Variants in GRID2 observed in about 807,000 individuals in gnomAD.
GRID2 encodes the protein glutamate receptor ionotropic, delta-2.
In GRID2, 33 loss-of-function variants were observed where a neutral mutation model predicts 114.8. The observed-to-expected ratio is 0.29, with a 90% CI of 0.22 to 0.38. GRID2 has a LOEUF of 0.38. Ranked by LOEUF, GRID2 falls within the 10% of genes least tolerant of loss-of-function variation. GRID2 has a pLI of 1.00. For synonymous variants in GRID2, 505 were observed against 449.9 expected, an observed-to-expected ratio of 1.12 and a Z score of -1.55; for missense variants, 1,184 against 1,257.7, an observed-to-expected ratio of 0.94 and a Z score of 0.89.
intron 14 of GRID2, among the ~76,000 whole-genome samples, chr4:93,758,081 T>C (rs920446401): frequency 1.3e-5 from 2 of 152,232 alleles, no homozygotes; most frequent in African/African-American, 2.4e-5. Flanking sequence ...ACTGTTCTCC[T>C]GTGATTCTAG....
chr4:93,572,527 C>G (rs1368852213), intron 13 of GRID2, among the ~76,000 whole-genome samples: 3 of 151,754 alleles, frequency 2.0e-5, no homozygotes, highest in Non-Finnish European at 4.4e-5. Context: ...TACATCTTTC[C>G]TATTTGATTA....
chr4:93,250,566 G>C (rs1748765562), intron 8 of GRID2, among the ~76,000 whole-genome samples: 1 of 149,370 alleles, frequency 6.7e-6, no homozygotes, highest in Non-Finnish European at 1.5e-5. Context: ...AAAAAAAGTG[G>C]TATATTACAA....
intron 2 of GRID2, among the ~76,000 whole-genome samples, chr4:92,872,919 G>T (rs1033348529): frequency 1.3e-5 from 2 of 152,212 alleles, no homozygotes; most frequent in Non-Finnish European, 2.9e-5. Flanking sequence ...TCTTACTCAA[G>T]AAACAAAAGA....
chr4:92,360,348 A>G (rs1728552759), intron 1 of GRID2, among the ~76,000 whole-genome samples: 1 of 151,952 alleles, frequency 6.6e-6, no homozygotes, highest in African/African-American at 2.4e-5. Context: ...TCTTCATAAA[A>G]TTGTTTTGAT....
At chr4:93,716,222 A>G (rs1728887705) in intron 14 of GRID2, among the ~76,000 whole-genome samples, 1 of 152,224 alleles carries the variant, frequency 6.6e-6, no homozygotes, top group Non-Finnish European at 1.5e-5. Context: ...CTGTGTTTAC[A>G]TATGCACATA....
At position 93,706,192 on chromosome 4, in the gene GRID2, C is replaced by T. The variant is rs1285679864; in HGVS notation, c.2361-63018C>T. On this transcript the variant is annotated intron_variant, in intron 14 of 15. Transcript: ENST00000282020. The stretch of plus-strand genomic sequence containing the variant: ...TTTTGTGGTTCCGCATAAATTTTAA[C>T]ATTGTTTTTTCTATTTCTGTGAAGA... 2.6e-5 allele frequency among the ~76,000 whole-genome samples: 4 copies of T among 152,108 alleles called. No homozygotes were observed. In the East Asian group the frequency reaches 7.7e-4, roughly 29 times the overall value.
chr4:93,280,849 T>C (rs1219267557), intron 8 of GRID2, among the ~76,000 whole-genome samples: 2 of 151,930 alleles, frequency 1.3e-5, no homozygotes, highest in Non-Finnish European at 1.5e-5. Flanking sequence ...GGTCTGAGGA[T>C]AATAAAGTAC....
intron 5 of GRID2, among the ~76,000 whole-genome samples, chr4:93,211,914 C>T (rs904999153): frequency 5.3e-5 from 8 of 152,040 alleles, no homozygotes; most frequent in African/African-American, 9.7e-5. Flanking sequence ...TCCATTCACC[C>T]GCATACTTAT....
At chr4:92,647,240 T>A (rs1328952572) in intron 2 of GRID2, among the ~76,000 whole-genome samples, 2 of 152,194 alleles carry the variant, frequency 1.3e-5, no homozygotes, top group Admixed American at 6.6e-5. Flanking sequence ...TTAACATTTG[T>A]AAAGTGTTTG....
At chr4:93,147,313 A>C (rs1560927504) in intron 4 of GRID2, among the ~76,000 whole-genome samples, 1 of 152,176 alleles carries the variant, frequency 6.6e-6, no homozygotes, top group Admixed American at 6.5e-5. Flanking sequence ...TGTAGTCTTA[A>C]TGCCTACCAT....
Position 93,276,627 on chromosome 4 carries a change from CAA to C in GRID2, c.1245+38138_1245+38139del, listed in dbSNP as rs1456376010. On this transcript the variant is annotated intron_variant, in intron 8 of 15. Coordinates refer to ENST00000282020, the MANE Select transcript of GRID2 (RefSeq NM_001510.4). ...AAAATATTTTGTAGTTTCCAGTGTA[CAA>C]GTCTTACTCTTGTTAAATATATTTC... Among the ~76,000 whole-genome samples the C allele has an allele frequency of 4.6e-5, 7 of 151,898 alleles. 1 individual carries two copies. Among genetic ancestry groups the C allele is most frequent in the Admixed American group, 4.6e-4 (7 of 15,212 alleles).
chr4:92,382,979 T>G (rs1729695125), intron 1 of GRID2, among the ~76,000 whole-genome samples: 1 of 151,966 alleles, frequency 6.6e-6, no homozygotes, highest in Non-Finnish European at 1.5e-5. Context: ...TCTGCTTGGC[T>G]CCTGGGAAGG....
intron 2 of GRID2, among the ~76,000 whole-genome samples, chr4:92,798,249 T>A (rs1012244487): frequency 6.6e-6 from 1 of 152,024 alleles, no homozygotes; most frequent in African/African-American, 2.4e-5. Flanking sequence ...TTGCCTAATA[T>A]CTAATAACTG....
rs7674483 is a variant in GRID2, at chr4:92,689,957, A to T, written c.244+99671A>T. On this transcript the variant is annotated intron_variant, in intron 2 of 15. Coordinates refer to ENST00000282020, the MANE Select transcript of GRID2 (RefSeq NM_001510.4). ...AGGCTTTGGCTTAAGGGACTGTTGT[A>T]ACTGGTTTGATCTTCAGTGATGTTC... Among the ~76,000 whole-genome samples the T allele has an allele frequency of 4.8e-3, 724 of 152,258 alleles. 7 individuals are homozygous for T. The highest frequency in any genetic ancestry group is 0.015 in the African/African-American group (627 of 41,562).
chr4:93,080,187 T>C (rs960296071), intron 2 of GRID2, among the ~76,000 whole-genome samples: 2 of 152,128 alleles, frequency 1.3e-5, no homozygotes, highest in Non-Finnish European at 2.9e-5. Context: ...TTCCTAGAAG[T>C]ATAAAAGCAA....
intron 8 of GRID2, among the ~76,000 whole-genome samples, chr4:93,257,984 A>G (rs1396955977): frequency 7.7e-6 from 1 of 130,284 alleles, no homozygotes; most frequent in Admixed American, 7.2e-5. Context: ...GTGTGTATAT[A>G]TATATATATA....
chr4:93,299,269 T>C (rs1754617671), intron 8 of GRID2, among the ~76,000 whole-genome samples: 1 of 152,046 alleles, frequency 6.6e-6, no homozygotes, highest in Admixed American at 6.6e-5. Flanking sequence ...ACAGATACTA[T>C]TTGTATCTAC....
chr4:92,763,817 C>A (rs1472908978), intron 2 of GRID2, among the ~76,000 whole-genome samples: 1 of 152,018 alleles, frequency 6.6e-6, no homozygotes, highest in African/African-American at 2.4e-5. Context: ...TCACAAAGGG[C>A]CTTGAAGGGC....
intron 14 of GRID2, among the ~76,000 whole-genome samples, chr4:93,730,564 C>G (rs988679942): frequency 3.9e-5 from 6 of 152,168 alleles, no homozygotes; most frequent in African/African-American, 9.7e-5. Flanking sequence ...TTGGCTCCCC[C>G]CAATCCCATT....
Sources: allele counts gnomAD v4.1 joint callset (sites outside exome capture counted in the v4.1 genomes callset), GRCh38; gene constraint gnomAD v4.1.1; transcripts MANE v1.5; gene names NCBI Gene and HGNC (gene_info 2026-07-23, HGNC 2026-07-21).